VSTM4: variants seen among roughly 807,000 people sequenced by gnomAD.
VSTM4 encodes V-set and transmembrane domain-containing protein 4.
A neutral mutation model predicts 36.4 loss-of-function variants in VSTM4; 20 were observed. The observed-to-expected ratio is 0.55, with a 90% CI of 0.39 to 0.80. VSTM4 has a LOEUF of 0.80. VSTM4 is among the 30% of genes least tolerant of loss of function. The pLI, the probability that VSTM4 is intolerant of heterozygous loss-of-function variation, is 0.00. For missense variants in VSTM4, 392 were observed against 404.5 expected (o/e 0.97, Z 0.26); for synonymous variants, 182 against 173.9 (o/e 1.05, Z -0.37).
intron 7 of VSTM4, among the ~76,000 whole-genome samples, chr10:49,043,399 T>C (rs1843550386): frequency 6.6e-6 from 1 of 152,256 alleles, no homozygotes. Context: ...TTAAATTACC[T>C]ATGTGGCTCA....
intron 7 of VSTM4, among the ~76,000 whole-genome samples, chr10:49,030,746 C>T (rs1843333699): frequency 6.6e-6 from 1 of 152,238 alleles, no homozygotes; most frequent in African/African-American, 2.4e-5. Flanking sequence ...CTAACTGCTT[C>T]AAGGACAGGC....
intron 7 of VSTM4, among the ~76,000 whole-genome samples, chr10:49,033,739 C>T (rs1209335679): frequency 6.6e-6 from 1 of 152,188 alleles, no homozygotes; most frequent in Admixed American, 6.5e-5. Context: ...TAGTATTTAC[C>T]TTCCTGTGCC....
At chr10:49,061,446 T>A (rs1843875892) in intron 5 of VSTM4, among the ~76,000 whole-genome samples, 1 of 152,206 alleles carries the variant, frequency 6.6e-6, no homozygotes, top group Admixed American at 6.5e-5. Flanking sequence ...TAATTTTCTA[T>A]CTACAGCAGG....
chr10:49,027,087 T>C (rs577739497), intron 7 of VSTM4, among the ~76,000 whole-genome samples: 6 of 152,244 alleles, frequency 3.9e-5, no homozygotes, highest in East Asian at 1.9e-4. Flanking sequence ...ACTGATGCCA[T>C]TGGCGGCCAC....
intron 7 of VSTM4, among the ~76,000 whole-genome samples, chr10:49,036,076 G>C (rs923581635): frequency 1.3e-5 from 2 of 152,180 alleles, no homozygotes; most frequent in African/African-American, 4.8e-5. Flanking sequence ...CCTGATACAG[G>C]ATATTCTCAC....
chr10:49,096,622 C>CGTGTGTGTGTGTGTGTGTGCGTGTGT (rs1844574090), intron 2 of VSTM4, among the ~76,000 whole-genome samples: 1 of 122,500 alleles, frequency 8.2e-6, no homozygotes, highest in African/African-American at 3.5e-5. Context: ...CATTGAAGAC[C>CGTGTGTGTGTGTGTGTGTGCGTGTGT]GTGTGTGTGT....
intron 3 of VSTM4, among the ~76,000 whole-genome samples, chr10:49,077,561 G>C (rs373679358): frequency 2.6e-5 from 4 of 152,200 alleles, no homozygotes; most frequent in African/African-American, 9.7e-5. Context: ...GTAATTCAAC[G>C]GCGGAAGGAC....
In VSTM4 at chr10:49,104,686, C is replaced by T. The variant is rs1169575518; in HGVS notation, c.457+2908G>A. The stretch of plus-strand genomic sequence containing the variant: ...GATGGAGCAGACATGGCAAGGGAGG[C>T]TGAGCTCCGCTGAGAGGGTAGAACC... On this transcript the variant is annotated intron_variant, in intron 2 of 7. Transcript: ENST00000332853. Among the ~76,000 whole-genome samples, 3 of 152,180 alleles carry T rather than the reference C, an allele frequency of 2.0e-5. No homozygotes were observed. In the East Asian group the frequency reaches 5.8e-4, roughly 29 times the overall value.
chr10:49,049,839 C>A (rs748447545), intron 5 of VSTM4, among the ~76,000 whole-genome samples: 33 of 151,784 alleles, frequency 2.2e-4, no homozygotes, highest in Admixed American at 9.2e-4. Flanking sequence ...ATCTGGCACT[C>A]AAAAGTATTG....
At chr10:49,087,037 G>GT (rs1020140650) in intron 2 of VSTM4, among the ~76,000 whole-genome samples, 4 of 152,072 alleles carry the variant, frequency 2.6e-5, no homozygotes, top group Non-Finnish European at 5.9e-5. Flanking sequence ...ACAAACTTTT[G>GT]TATTATTATT....
At chr10:49,092,195 T>A (rs1354348314) in intron 2 of VSTM4, among the ~76,000 whole-genome samples, 1 of 152,224 alleles carries the variant, frequency 6.6e-6, no homozygotes, top group African/African-American at 2.4e-5. Flanking sequence ...TGGGCTCTTA[T>A]TAAAACGAAG....
At chr10:49,105,866 G>GTA (rs1402521285) in intron 2 of VSTM4, among the ~76,000 whole-genome samples, 21 of 151,612 alleles carry the variant, frequency 1.4e-4, no homozygotes, top group South Asian at 8.3e-4. Flanking sequence ...TATCTTGTGT[G>GTA]TATATATATA....
chr10:49,047,896 A>G (rs1395928062), intron 6 of VSTM4, among the ~76,000 whole-genome samples: 1 of 152,216 alleles, frequency 6.6e-6, no homozygotes, highest in Non-Finnish European at 1.5e-5. Context: ...TCCTAAATTG[A>G]CCAGTTATTT....
intron 2 of VSTM4, among the ~76,000 whole-genome samples, chr10:49,091,084 A>T (rs941875107): frequency 2.0e-5 from 3 of 152,204 alleles, no homozygotes; most frequent in Non-Finnish European, 4.4e-5. Context: ...CAAGCCACCT[A>T]TCTCAGTACA....
chr10:49,078,752 T>C lies in VSTM4; in HGVS notation c.527-1426A>G, dbSNP rs913337072. ...GGATGTTAATATCCTGTTTGTGATA[T>C]TGTTTTATGGTTTTGCAAAATGCTA... is the stretch of plus-strand genomic sequence containing the variant. On this transcript the variant is annotated intron_variant, in intron 3 of 7. Coordinates refer to ENST00000332853, the MANE Select transcript of VSTM4 (RefSeq NM_001031746.5). 4.6e-5 allele frequency among the ~76,000 whole-genome samples: 7 copies of C among 152,220 alleles called. No individual in the cohort carries two copies. In the South Asian group the frequency reaches 8.3e-4, roughly 18 times the overall value.
In VSTM4 at chr10:49,016,818, G is replaced by T. The variant is rs1393994179; in HGVS notation, c.*2832C>A. 2.0e-5 allele frequency: 3 copies of T among 152,318 alleles called. No homozygotes were observed. The highest frequency in any genetic ancestry group is 2.1e-4 in the South Asian group (1 of 4,820). 9.4% of individuals were successfully genotyped at this position (152,318 alleles called of 1,614,324 possible). A position where few individuals can be genotyped will look rare whatever the true frequency, so the allele number is the denominator to read the frequency against. ...CAGCTGCTTCAGGGCAGGCCTCGGG[G>T]CTTTGGCTTGGCAAGACAGTTTCAC... is the stretch of plus-strand genomic sequence containing the variant. On this transcript the variant is annotated 3_prime_UTR_variant, in exon 8 of 8. Transcript: ENST00000332853.
chr10:49,076,352 G>A (rs1320884789), intron 4 of VSTM4, among the ~76,000 whole-genome samples: 1 of 152,180 alleles, frequency 6.6e-6, no homozygotes, highest in Non-Finnish European at 1.5e-5. Context: ...TGAGACTGGT[G>A]CACTCCTGCC....
intron 4 of VSTM4, among the ~76,000 whole-genome samples, chr10:49,070,596 A>T (rs2131984694): frequency 6.6e-6 from 1 of 152,364 alleles, no homozygotes; most frequent in Non-Finnish European, 1.5e-5. Context: ...GTCACTCAGC[A>T]CAGTGAAAGT....
At chr10:49,042,961 C>T (rs1234855741) in intron 7 of VSTM4, among the ~76,000 whole-genome samples, 2 of 152,074 alleles carry the variant, frequency 1.3e-5, no homozygotes, top group Admixed American at 6.5e-5. Context: ...GAGGACATTC[C>T]AGGAAGAGGG....
Sources: gnomAD v4.1 joint callset for allele counts (sites outside exome capture counted in the v4.1 genomes callset) on GRCh38, gnomAD v4.1.1 for gene constraint, MANE v1.5 for transcripts, NCBI Gene and HGNC (gene_info 2026-07-23, HGNC 2026-07-21) for gene names.